GSE1: variants seen among roughly 807,000 people sequenced by gnomAD.
GSE1 encodes the protein Gse1 coiled-coil protein, also known as genetic suppressor element 1.
A neutral mutation model predicts 112.6 loss-of-function variants in GSE1; 32 were observed. The observed-to-expected ratio is 0.28, with a 90% CI of 0.21 to 0.38. The LOEUF is 0.38. Ranked by LOEUF, GSE1 falls within the 10% of genes least tolerant of loss-of-function variation. The probability of loss-of-function intolerance (pLI) is 1.00; values close to 1 mark genes in which losing one functional copy is unlikely to be tolerated. For missense variants in GSE1, 2,348 were observed against 1,699.2 expected (o/e 1.38, Z -6.71); for synonymous variants, 1,115 against 735.6 (o/e 1.52, Z -8.35).
rs560821375 is a variant in GSE1, at chr16:85,192,128, C to G, written c.2283+20321C>G. Among the ~76,000 whole-genome samples, 6 of 152,358 alleles carry G rather than the reference C, an allele frequency of 3.9e-5. No homozygotes were observed. In the East Asian group the frequency reaches 1.2e-3, roughly 29 times the overall value. ...ACATTCTGGTGCACTCAGACACGTGCAGGGTGCACACATAGGCAGTACTGT... is the reference window on the plus strand; with the variant it reads ...ACATTCTGGTGCACTCAGACACGTGGAGGGTGCACACATAGGCAGTACTGT... On this transcript the variant is annotated intron_variant, in intron 1 of 2. Coordinates refer to the GSE1 transcript ENST00000637419.
intron 2 of GSE1, among the ~76,000 whole-genome samples, chr16:85,519,613 C>CTTTTAGTCTCCACCAT (rs1281265227): frequency 2.1e-5 from 3 of 144,006 alleles, no homozygotes; most frequent in African/African-American, 8.4e-5. Flanking sequence ...ACCATCATCA[C>CTTTTAGTCTCCACCAT]CATCACCACC....
intron 1 of GSE1, among the ~76,000 whole-genome samples, chr16:85,562,285 G>A (rs558238178): frequency 3.3e-5 from 5 of 152,178 alleles, no homozygotes; most frequent in Admixed American, 2.0e-4. Context: ...TCCATCTGTC[G>A]GCTGGGAAAG....
intron 13 of GSE1, chr16:85,666,628 C>T (rs956140814): frequency 9.1e-6 from 4 of 441,424 alleles, no homozygotes; most frequent in Admixed American, 4.1e-5. Flanking sequence ...AAGGAGTGAA[C>T]GCCGACAGGC....
chr16:85,524,987 C>T (rs1567560429), intron 2 of GSE1, among the ~76,000 whole-genome samples: 1 of 152,184 alleles, frequency 6.6e-6, no homozygotes. Flanking sequence ...TCCCCTTTCC[C>T]CAAACAAACA....
At chr16:85,618,360 C>T (rs2048512549) in intron 1 of GSE1, among the ~76,000 whole-genome samples, 1 of 152,176 alleles carries the variant, frequency 6.6e-6, no homozygotes. Flanking sequence ...CCGCCACATG[C>T]CCCTGACGGG....
intron 1 of GSE1, among the ~76,000 whole-genome samples, chr16:85,572,692 C>T (rs570595775): frequency 6.6e-6 from 1 of 152,336 alleles, no homozygotes; most frequent in South Asian, 2.1e-4. Context: ...GTTCTCCTCC[C>T]TCGGTTTCCG....
chr16:85,641,432 C>CCT lies in GSE1; in HGVS notation c.227-7120_227-7119insCT, dbSNP rs1555556880. Among the ~76,000 whole-genome samples, 135 of 152,264 alleles carry CCT rather than the reference C, an allele frequency of 8.9e-4. 2 individuals carry two copies. Among genetic ancestry groups the CCT allele is most frequent in the African/African-American group, 2.9e-3 (122 of 41,552 alleles). ...CCCGCCACTGGCTGACGCCCCCCCCCGCCCTTTTGCAGCTGTGAGGTGGAG... is the reference window on the plus strand; with the variant it reads ...CCCGCCACTGGCTGACGCCCCCCCCCCTGCCCTTTTGCAGCTGTGAGGTGGAG... On this transcript the variant is annotated intron_variant, in intron 2 of 15. Transcript: ENST00000253458.
intron 1 of GSE1, among the ~76,000 whole-genome samples, chr16:85,616,387 T>C (rs1015207511): frequency 6.6e-6 from 1 of 152,184 alleles, no homozygotes; most frequent in African/African-American, 2.4e-5. Flanking sequence ...TCGCAGGGGC[T>C]TGTGGAGTCG....
intron 2 of GSE1, among the ~76,000 whole-genome samples, chr16:85,502,881 A>T (rs887871376): frequency 6.6e-6 from 1 of 152,224 alleles, no homozygotes; most frequent in Non-Finnish European, 1.5e-5. Flanking sequence ...GGTGAAAAAG[A>T]GCTGCCTGTT....
chr16:85,179,689 C>G (rs148826693), intron 1 of GSE1, among the ~76,000 whole-genome samples: 1 of 152,186 alleles, frequency 6.6e-6, no homozygotes, highest in East Asian at 1.9e-4. Flanking sequence ...CCTCTTACTC[C>G]TGGTCTTCAG....
intron 2 of GSE1, among the ~76,000 whole-genome samples, chr16:85,646,615 A>C (rs1306594228): frequency 6.6e-6 from 1 of 152,124 alleles, no homozygotes; most frequent in African/African-American, 2.4e-5. Context: ...GGCCTGTGTC[A>C]GGGAAGGGGG....
At chr16:85,377,215 A>T (rs1210244401) in intron 2 of GSE1, among the ~76,000 whole-genome samples, 1 of 152,130 alleles carries the variant, frequency 6.6e-6, no homozygotes, top group Non-Finnish European at 1.5e-5. Flanking sequence ...ACAGAAGAAC[A>T]TCTCTCTGTG....
At chr16:85,251,876 G>A (rs1906523598) in intron 1 of GSE1, among the ~76,000 whole-genome samples, 1 of 152,224 alleles carries the variant, frequency 6.6e-6, no homozygotes, top group South Asian at 2.1e-4. Context: ...CATCCTCCAG[G>A]CAAGTAGGTC....
At chr16:85,411,019 C>CGGA (rs2048521752) in intron 2 of GSE1, among the ~76,000 whole-genome samples, 1 of 31,366 alleles carries the variant, frequency 3.2e-5, no homozygotes, top group Non-Finnish European at 6.4e-5. Context: ...CAGAGCCCCC[C>CGGA]TGGATAATCC....
At chr16:85,215,938 G>C (rs2075300491) in intron 1 of GSE1, among the ~76,000 whole-genome samples, 1 of 152,190 alleles carries the variant, frequency 6.6e-6, no homozygotes, top group Non-Finnish European at 1.5e-5. Context: ...CTGGAGGCCT[G>C]TCTGCAAACC....
chr16:85,285,199 G>A (rs1373247720), intron 1 of GSE1: 1 of 152,232 alleles, frequency 6.6e-6, no homozygotes, highest in Non-Finnish European at 1.5e-5. Context: ...GTGACATGAA[G>A]CGCCAAGGGG....
At chr16:85,531,106 T>C (rs1221419088) in intron 2 of GSE1, among the ~76,000 whole-genome samples, 1 of 152,236 alleles carries the variant, frequency 6.6e-6, no homozygotes, top group African/African-American at 2.4e-5. Context: ...GATTCAGACC[T>C]CAGTGCAGGA....
intron 2 of GSE1, among the ~76,000 whole-genome samples, chr16:85,420,773 C>T (rs564974785): frequency 1.3e-5 from 2 of 152,320 alleles, no homozygotes; most frequent in Admixed American, 1.3e-4. Flanking sequence ...TTCCTCTCGC[C>T]CTGGGTGGAG....
intron 1 of GSE1, among the ~76,000 whole-genome samples, chr16:85,176,868 C>G (rs2074477497): frequency 6.6e-6 from 1 of 152,262 alleles, no homozygotes; most frequent in Non-Finnish European, 1.5e-5. Context: ...CTATCTGCGC[C>G]CACGCAGTTC....
Sources: gnomAD v4.1 joint callset for allele counts (sites outside exome capture counted in the v4.1 genomes callset) on GRCh38, gnomAD v4.1.1 for gene constraint, MANE v1.5 for transcripts, NCBI Gene and HGNC (gene_info 2026-07-23, HGNC 2026-07-21) for gene names.